The following AGBL1 variants were observed in gnomAD, a reference collection of about 807,000 sequenced individuals.
AGBL1 encodes the protein cytosolic carboxypeptidase 4.
A neutral mutation model predicts 118.9 loss-of-function variants in AGBL1; 130 were observed. That is an observed-to-expected ratio of 1.09 (90% confidence interval 0.95 to 1.26). AGBL1 has a LOEUF of 1.26. Among genes scored for constraint, AGBL1 ranks in the 50% most tolerant of loss-of-function variants. The pLI is 0.00. For missense variants in AGBL1, 1,584 were observed against 1,298.1 expected (o/e 1.22, Z -3.38); for synonymous variants, 555 against 478.9 (o/e 1.16, Z -2.08).
intron 18 of AGBL1, among the ~76,000 whole-genome samples, chr15:86,476,927 T>G (rs960008573): frequency 4.6e-5 from 7 of 152,106 alleles, no homozygotes; most frequent in African/African-American, 1.7e-4. Flanking sequence ...ATTAAGAAAC[T>G]CACTCAAAAC....
At position 86,724,235 on chromosome 15, in the gene AGBL1, C is replaced by CAAAAAA. The variant is rs1204898095; in HGVS notation, c.3158+49813_3158+49818dup. On this transcript the variant is annotated intron_variant, in intron 22 of 22. Transcript: ENST00000614907. ...TGGATGACAGAGTGAGACTCCATCT[C>CAAAAAA]AAAAAAAAAAAAAAAAAAAGAAGGT... is the stretch of plus-strand genomic sequence containing the variant. 5.7e-3 allele frequency among the ~76,000 whole-genome samples: 419 copies of CAAAAAA among 73,096 alleles called. 27 individuals are homozygous for CAAAAAA. The highest frequency in any genetic ancestry group is 0.011 in the African/African-American group (196 of 17,538). The allele number at this position is 73,096 out of a possible 152,430, so 48.0% of individuals were successfully genotyped here. A position where few individuals can be genotyped will look rare whatever the true frequency, so the allele number is the denominator to read the frequency against.
chr15:86,287,402 G>C (rs1345535501), intron 16 of AGBL1, among the ~76,000 whole-genome samples: 3 of 152,082 alleles, frequency 2.0e-5, no homozygotes, highest in African/African-American at 7.2e-5. Flanking sequence ...TGTGCTCTTG[G>C]GGTCATAGTT....
intron 22 of AGBL1, among the ~76,000 whole-genome samples, chr15:86,774,030 A>G (rs1034518836): frequency 6.6e-6 from 1 of 152,072 alleles, no homozygotes; most frequent in African/African-American, 2.4e-5. Flanking sequence ...GTATTTGTCT[A>G]TTAATTAGGG....
intron 1 of AGBL1, among the ~76,000 whole-genome samples, chr15:86,080,969 T>C (rs1597369234): frequency 6.6e-6 from 1 of 152,294 alleles, no homozygotes; most frequent in East Asian, 1.9e-4. Flanking sequence ...ATTCCCCTGT[T>C]TAGAATATAA....
chr15:86,941,846 G>A (rs566432974), intron 23 of AGBL1, among the ~76,000 whole-genome samples: 1 of 152,362 alleles, frequency 6.6e-6, no homozygotes, highest in African/African-American at 2.4e-5. Flanking sequence ...GAACATGCCA[G>A]AAGCAGGAGG....
chr15:86,365,988 G>A (rs1567219969), intron 17 of AGBL1, among the ~76,000 whole-genome samples: 2 of 152,152 alleles, frequency 1.3e-5, no homozygotes, highest in Non-Finnish European at 2.9e-5. Context: ...TTGAATCAAA[G>A]CAGAGTGGAT....
chr15:86,566,892 C>T (rs1037481221), intron 21 of AGBL1, among the ~76,000 whole-genome samples: 7 of 152,176 alleles, frequency 4.6e-5, no homozygotes, highest in African/African-American at 1.7e-4. Flanking sequence ...GAGAGCTCTA[C>T]ATTTCACAGT....
chr15:86,821,875 C>A (rs928445981), intron 22 of AGBL1, among the ~76,000 whole-genome samples: 5 of 152,172 alleles, frequency 3.3e-5, no homozygotes, highest in African/African-American at 1.2e-4. Flanking sequence ...ATCCCAGTTG[C>A]CTCTGCAGTA....
intron 1 of AGBL1, among the ~76,000 whole-genome samples, chr15:86,125,550 A>T (rs1337892707): frequency 6.6e-6 from 1 of 152,236 alleles, no homozygotes; most frequent in Non-Finnish European, 1.5e-5. Context: ...GTCTTAATAA[A>T]CAATTGATTA....
At chr15:86,501,715 A>T (rs905178235) in intron 18 of AGBL1, among the ~76,000 whole-genome samples, 2 of 151,528 alleles carry the variant, frequency 1.3e-5, no homozygotes, top group East Asian at 3.9e-4. Flanking sequence ...TTTTTTCCTC[A>T]TTAAATTGTC....
At chr15:86,451,386 A>G (rs1344895384) in intron 18 of AGBL1, among the ~76,000 whole-genome samples, 2 of 152,202 alleles carry the variant, frequency 1.3e-5, no homozygotes, top group Non-Finnish European at 2.9e-5. Flanking sequence ...TATACCCATA[A>G]AAGTTGTTTA....
chr15:86,500,613 T>A (rs1316170403), intron 18 of AGBL1, among the ~76,000 whole-genome samples: 2 of 151,670 alleles, frequency 1.3e-5, no homozygotes, highest in Non-Finnish European at 3.0e-5. Flanking sequence ...CCAGTACAAT[T>A]TTCATCTCCC....
intron 5 of AGBL1, among the ~76,000 whole-genome samples, chr15:86,191,369 A>AAAAAAAAAAAAAAAAAAAG (rs1247744212): frequency 1.4e-5 from 2 of 145,146 alleles, no homozygotes; most frequent in African/African-American, 5.1e-5. Context: ...AAAAAAAAAA[A>AAAAAAAAAAAAAAAAAAAG]AGAGAGAGAG....
chr15:86,392,414 T>G (rs929304375), intron 17 of AGBL1, among the ~76,000 whole-genome samples: 1 of 152,226 alleles, frequency 6.6e-6, no homozygotes, highest in African/African-American at 2.4e-5. Flanking sequence ...GAAAATATCC[T>G]GATGAATGTC....
intron 22 of AGBL1, among the ~76,000 whole-genome samples, chr15:86,860,813 C>T (rs2079549831): frequency 6.6e-6 from 1 of 152,048 alleles, no homozygotes; most frequent in East Asian, 1.9e-4. Context: ...GAGCCACCAC[C>T]TACCACAGGG....
intron 5 of AGBL1, among the ~76,000 whole-genome samples, chr15:86,211,922 G>A (rs1253848548): frequency 6.6e-6 from 1 of 152,158 alleles, no homozygotes; most frequent in Non-Finnish European, 1.5e-5. Context: ...CTTCTGTGTT[G>A]TTCACGCTGG....
At chr15:86,191,571 G>A (rs1178948656) in intron 5 of AGBL1, among the ~76,000 whole-genome samples, 1 of 152,034 alleles carries the variant, frequency 6.6e-6, no homozygotes, top group African/African-American at 2.4e-5. Context: ...GGATGATGCT[G>A]TTATCAAGAA....
chr15:86,840,038 G>A (rs1257002594), intron 22 of AGBL1, among the ~76,000 whole-genome samples: 1 of 152,132 alleles, frequency 6.6e-6, no homozygotes, highest in Non-Finnish European at 1.5e-5. Flanking sequence ...GTTACATGGA[G>A]CATCATATTT....
chr15:86,874,410 C>CACACACACA (rs2079775736), intron 22 of AGBL1, among the ~76,000 whole-genome samples: 1 of 96,020 alleles, frequency 1.0e-5, no homozygotes, highest in Non-Finnish European at 2.4e-5. Context: ...ACACACACAC[C>CACACACACA]CTGGGGCCAG....
Sources: gnomAD v4.1 joint callset for allele counts (sites outside exome capture counted in the v4.1 genomes callset) on GRCh38, gnomAD v4.1.1 for gene constraint, MANE v1.5 for transcripts, NCBI Gene and HGNC (gene_info 2026-07-23, HGNC 2026-07-21) for gene names.